The following GFRA3 variants were observed in gnomAD, a reference collection of about 807,000 sequenced individuals.
GFRA3 encodes GDNF family receptor alpha 3.
Under a neutral mutation model 40.0 loss-of-function variants are expected in GFRA3, and 24 were observed. The ratio of observed to expected loss-of-function variants is 0.60; its 90% confidence interval spans 0.43 to 0.84. The LOEUF (loss-of-function observed/expected upper bound fraction) is 0.84, where lower values mean the gene tolerates loss of function less well. Ranked by LOEUF, GFRA3 falls within the 40% of genes least tolerant of loss-of-function variation. The pLI is 0.00. For missense variants in GFRA3, 405 were observed against 530.6 expected (o/e 0.76, Z 2.33); for synonymous variants, 203 against 213.5 (o/e 0.95, Z 0.43).
intron 1 of GFRA3, among the ~76,000 whole-genome samples, chr5:138,270,229 T>G (rs1206516602): frequency 7.1e-6 from 1 of 141,472 alleles, no homozygotes; most frequent in African/African-American, 2.6e-5. Flanking sequence ...AAAAAAAAGT[T>G]AGCCAGGTGT....
chr5:138,256,561 A>C (rs1214917650), intron 4 of GFRA3, among the ~76,000 whole-genome samples: 4 of 151,800 alleles, frequency 2.6e-5, no homozygotes, highest in African/African-American at 4.8e-5. Flanking sequence ...AAACAAAAAA[A>C]AAAACAAAAC....
Position 138,274,336 on chromosome 5 carries a change from G to A in GFRA3, c.89C>T (p.Ala30Val). 7.5e-7 allele frequency: 1 copy of A among 1,340,794 alleles called. No homozygotes were observed. Among genetic ancestry groups the A allele is most frequent in the Non-Finnish European group, 9.6e-7 (1 of 1,040,752 alleles). 83.1% of individuals were successfully genotyped at this position (1,340,794 alleles called of 1,614,324 possible). A position where few individuals can be genotyped will look rare whatever the true frequency, so the allele number is the denominator to read the frequency against. The change falls in exon 1 of 8, where the codon GCC becomes GTC. Residue 30 changes from alanine (A) to valine (V), a missense_variant and splice_region_variant. By Grantham distance (64) the Ala-to-Val change is moderately conservative. Transcript: ENST00000274721. ...CCGGTGCGCGCTCTGACACTCACCGGCTGCGAGAGGCAGCGGCGACGGCGG... is the reference window on the plus strand; with the variant it reads ...CCGGTGCGCGCTCTGACACTCACCGACTGCGAGAGGCAGCGGCGACGGCGG... ...LLPPSPLPLA[A>V]GDPLPTESRL...
intron 1 of GFRA3, among the ~76,000 whole-genome samples, chr5:138,264,755 G>C (rs1464974821): frequency 2.0e-5 from 3 of 152,186 alleles, no homozygotes; most frequent in Non-Finnish European, 4.4e-5. Flanking sequence ...GGACAGAACA[G>C]ACCAGGCCCA....
intron 1 of GFRA3, among the ~76,000 whole-genome samples, chr5:138,272,877 T>G (rs1003420532): frequency 6.6e-6 from 1 of 152,142 alleles, no homozygotes; most frequent in African/African-American, 2.4e-5. Context: ...GTTTTGTAAC[T>G]TTGTTTTCTG....
intron 1 of GFRA3, among the ~76,000 whole-genome samples, chr5:138,265,244 T>G (rs13436575): frequency 0.28 from 39,799 of 140,726 alleles, 6,768 homozygotes; most frequent in South Asian, 0.4. Flanking sequence ...GAGACAGAGT[T>G]TCGCTCTTGT....
intron 6 of GFRA3, 26 bp downstream of exon 6, chr5:138,253,740 G>A (rs780055459): frequency 1.2e-6 from 2 of 1,607,592 alleles, no homozygotes; most frequent in Non-Finnish European, 1.7e-6. Context: ...AGCCCCAGGG[G>A]CTGGGAGCAA....
At chr5:138,268,825 T>C (rs1755824538) in intron 1 of GFRA3, among the ~76,000 whole-genome samples, 1 of 150,122 alleles carries the variant, frequency 6.7e-6, no homozygotes, top group Admixed American at 6.7e-5. Flanking sequence ...CTCGGGAGGC[T>C]GAGGCAGGAG....
At chr5:138,258,053 T>A in intron 3 of GFRA3, 102 bp from the exon 4 acceptor site, 1 of 901,726 alleles carries the variant, frequency 1.1e-6, no homozygotes, top group Non-Finnish European at 1.8e-6. Flanking sequence ...AAGAAGGTAG[T>A]GGATATAGGA....
chr5:138,270,371 CAA>C (rs776243779), intron 1 of GFRA3, among the ~76,000 whole-genome samples: 25 of 76,354 alleles, frequency 3.3e-4, no homozygotes, highest in Non-Finnish European at 3.4e-4. Context: ...GACTCCGTCT[CAA>C]AAAAAAAAAA....
intron 4 of GFRA3, 94 bp from the exon 5 acceptor site, chr5:138,254,254 C>A (rs1755595582): frequency 2.7e-6 from 2 of 729,664 alleles, no homozygotes; most frequent in South Asian, 3.1e-5. Flanking sequence ...GTAGCTCAAT[C>A]TTGGCTCACT....
At chr5:138,257,492 C>A in intron 4 of GFRA3, 147 bp downstream of exon 4, 1 of 608,944 alleles carries the variant, frequency 1.6e-6, no homozygotes, top group Admixed American at 3.6e-5. Flanking sequence ...AAGACTTTCA[C>A]AAAATATCCA....
chr5:138,253,670 G>T, intron 6 of GFRA3, 96 bp downstream of exon 6: 1 of 1,174,906 alleles, frequency 8.5e-7, no homozygotes, highest in Non-Finnish European at 1.2e-6. Context: ...GGTGGAGATG[G>T]ATGGAACCAG....
chr5:138,257,746 G>T lies in GFRA3; in HGVS notation c.678C>A (p.Gly226=). 6.2e-7 allele frequency: 1 copy of T among 1,610,160 alleles called. No homozygotes were observed. The highest frequency in any genetic ancestry group is 8.5e-7 in the Non-Finnish European group (1 of 1,178,010). ...LLCPCAPNDR[G]CGERRRNTIA... The stretch of plus-strand genomic sequence containing the variant: ...TGGTGTTGCGCCGGCGCTCCCCGCA[G>T]CCCCGGTCGTTGGGGGCACATGGGC... Residue 226 remains glycine, a synonymous_variant, in exon 4 of 8, where the codon GGC becomes GGA. Transcript: ENST00000274721.
chr5:138,266,294 T>C lies in GFRA3; in HGVS notation c.92-1746A>G, dbSNP rs372632640. On this transcript the variant is annotated intron_variant, in intron 1 of 7. Transcript: ENST00000274721. ...TACCATTTTACATTCCCATCAGCAA[T>C]GTACAAGGAGTCTAGTTTCTATACA... Among the ~76,000 whole-genome samples, 10 of 152,178 alleles carry C rather than the reference T, an allele frequency of 6.6e-5. No homozygotes were observed. In the South Asian group the frequency reaches 2.1e-3, roughly 31 times the overall value.
chr5:138,270,020 C>T (rs527527957), intron 1 of GFRA3, among the ~76,000 whole-genome samples: 2 of 151,722 alleles, frequency 1.3e-5, no homozygotes, highest in African/African-American at 2.4e-5. Flanking sequence ...CATCAATCAA[C>T]GAATGGAACA....
rs1382894915 is a variant in GFRA3, at chr5:138,252,942, GGGAA to G, written c.*22_*25del. The G allele has an allele frequency of 7.7e-7, 1 of 1,302,202 alleles. No individual in the cohort carries two copies. The highest frequency in any genetic ancestry group is 1.1e-6 in the Non-Finnish European group (1 of 897,094). The allele number at this position is 1,302,202 out of a possible 1,614,324, so 80.7% of individuals were successfully genotyped here. Reference sequence around the variant, plus strand: ...GCAAGTCCACCTGGGTGTGGTGGAGGGGAAGAGGGCCCTGGGGAAGTCCAGCTAC... The same window carrying G: ...GCAAGTCCACCTGGGTGTGGTGGAGGGAGGGCCCTGGGGAAGTCCAGCTAC... On this transcript the variant is annotated 3_prime_UTR_variant, in exon 8 of 8. Coordinates refer to ENST00000274721, the MANE Select transcript of GFRA3 (RefSeq NM_001496.4).
Position 138,253,074 on chromosome 5 carries a change from A to G in GFRA3, c.1114-17T>C, listed in dbSNP as rs747100157. Reference sequence around the variant, plus strand: ...GTTTTCATTCTGTGGAAGAAATGGAATGGAGTTAGCTCAGGGGATTTTCTT... The same window carrying G: ...GTTTTCATTCTGTGGAAGAAATGGAGTGGAGTTAGCTCAGGGGATTTTCTT... On this transcript the variant is annotated splice_polypyrimidine_tract_variant and intron_variant, in intron 7 of 7. Coordinates refer to ENST00000274721, the MANE Select transcript of GFRA3 (RefSeq NM_001496.4). The G allele has an allele frequency of 2.1e-6, 3 of 1,431,672 alleles. No individual in the cohort carries two copies. Among genetic ancestry groups the G allele is most frequent in the Non-Finnish European group, 3.0e-6 (3 of 1,015,486 alleles). The allele number at this position is 1,431,672 out of a possible 1,614,324, so 88.7% of individuals were successfully genotyped here.
At chr5:138,266,059 A>T (rs1030523804) in intron 1 of GFRA3, among the ~76,000 whole-genome samples, 1 of 152,174 alleles carries the variant, frequency 6.6e-6, no homozygotes, top group Non-Finnish European at 1.5e-5. Context: ...CATTTTGTTT[A>T]TGCATTCTTC....
rs1755575275 is a variant in GFRA3, at chr5:138,253,275, A to T, written c.1113+12T>A. 3.3e-6 allele frequency: 5 copies of T among 1,537,632 alleles called. No individual in the cohort carries two copies. In the East Asian group the frequency reaches 1.1e-4, roughly 35 times the overall value. On this transcript the variant is annotated intron_variant, in intron 7 of 7. Transcript: ENST00000274721. Reference sequence around the variant, plus strand: ...AGTAAAGGTCTGAGGGGTGTAACAGAGGAGGCCCTACCTGGTGTGCCATCA... The same window carrying T: ...AGTAAAGGTCTGAGGGGTGTAACAGTGGAGGCCCTACCTGGTGTGCCATCA...
Sources: allele counts gnomAD v4.1 joint callset (sites outside exome capture counted in the v4.1 genomes callset), GRCh38; gene constraint gnomAD v4.1.1; transcripts MANE v1.5; gene names NCBI Gene and HGNC (gene_info 2026-07-23, HGNC 2026-07-21).